The following HELZ variants were observed in gnomAD, a reference collection of about 807,000 sequenced individuals.
The protein encoded by HELZ is ATP-dependent RNA helicase with zinc finger domain.
A neutral mutation model predicts 218.2 loss-of-function variants in HELZ; 23 were observed. The observed-to-expected ratio is 0.11, with a 90% CI of 0.08 to 0.15. The LOEUF is 0.15. HELZ is among the 10% of genes least tolerant of loss of function. The pLI, the probability that HELZ is intolerant of heterozygous loss-of-function variation, is 1.00. For synonymous variants in HELZ, 814 were observed against 829.4 expected, an observed-to-expected ratio of 0.98 and a Z score of 0.32; for missense variants, 1,813 against 2,353.7, an observed-to-expected ratio of 0.77 and a Z score of 4.75.
At chr17:67,096,321 C>T (rs1039489471) in intron 31 of HELZ, among the ~76,000 whole-genome samples, 3 of 152,168 alleles carry the variant, frequency 2.0e-5, no homozygotes, top group African/African-American at 7.2e-5. Flanking sequence ...TAAACAAGCA[C>T]TGGTTTCAAC....
chr17:67,234,485 A>T (rs1166775817), intron 3 of HELZ, among the ~76,000 whole-genome samples: 1 of 151,836 alleles, frequency 6.6e-6, no homozygotes, highest in Non-Finnish European at 1.5e-5. Context: ...TATGAACCCA[A>T]CTAAAGGCCC....
chr17:67,118,262 A>T (rs1160565446), intron 27 of HELZ, among the ~76,000 whole-genome samples: 1 of 152,252 alleles, frequency 6.6e-6, no homozygotes, highest in Non-Finnish European at 1.5e-5. Context: ...AAGGAAGGAC[A>T]GAGTTTTCAA....
chr17:67,081,521 C>T (rs2036188823), intron 32 of HELZ, among the ~76,000 whole-genome samples: 1 of 152,162 alleles, frequency 6.6e-6, no homozygotes, highest in Admixed American at 6.5e-5. Context: ...GCACATTTAG[C>T]ACTTGGTTTT....
intron 27 of HELZ, among the ~76,000 whole-genome samples, chr17:67,115,632 G>A (rs934433698): frequency 2.0e-5 from 3 of 151,916 alleles, no homozygotes; most frequent in Admixed American, 6.6e-5. Context: ...TGGAAAAAAC[G>A]CAAGTGAGAA....
At chr17:67,148,807 T>C in intron 19 of HELZ, 93 bp from the exon 20 acceptor site, 2 of 1,195,438 alleles carry the variant, frequency 1.7e-6, no homozygotes, top group Non-Finnish European at 2.3e-6. Flanking sequence ...CTAAAACTTC[T>C]TATATACAAA....
chr17:67,086,639 T>TAAAA (rs946122377), intron 32 of HELZ, among the ~76,000 whole-genome samples, 190 bp downstream of exon 32: 3 of 86,396 alleles, frequency 3.5e-5, no homozygotes, highest in Non-Finnish European at 5.1e-5. Context: ...TAAATATATA[T>TAAAA]ATATATATAT....
Position 67,187,011 on chromosome 17 carries a change from T to C in HELZ, c.1162+1308A>G, listed in dbSNP as rs557933780. Among the ~76,000 whole-genome samples the C allele has an allele frequency of 3.3e-5, 5 of 152,296 alleles. 1 individual carries two copies. In the South Asian group the frequency reaches 1.0e-3, roughly 32 times the overall value. On this transcript the variant is annotated intron_variant, in intron 12 of 32. Coordinates refer to ENST00000358691, the MANE Select transcript of HELZ (RefSeq NM_014877.4). ...GTCACACCCATTTGCTTATGCATTG[T>C]CTATGGCTGCTTTCTCATTACGACG...
In HELZ at chr17:67,218,800, T is replaced by C. The variant is rs1451462374; in HGVS notation, c.5A>G (p.Glu2Gly). 6.8e-6 allele frequency: 11 copies of C among 1,613,960 alleles called. No homozygotes were observed. The highest frequency in any genetic ancestry group is 9.3e-6 in the Non-Finnish European group (11 of 1,179,954). Residue 2 changes from glutamate to glycine, a missense_variant, in exon 4 of 33, where the codon GAA becomes GGA. Coordinates refer to ENST00000358691, the MANE Select transcript of HELZ (RefSeq NM_014877.4). M[E>G]DRRAEKSCEQ... The stretch of plus-strand genomic sequence containing the variant: ...ACATGACTTTTCAGCTCTTCTGTCT[T>C]CCATGACTCAGGGACAAAAATCCTA...
At chr17:67,097,448 C>T (rs1322292806) in intron 31 of HELZ, among the ~76,000 whole-genome samples, 1 of 152,178 alleles carries the variant, frequency 6.6e-6, no homozygotes, top group Non-Finnish European at 1.5e-5. Flanking sequence ...CTTTGCAACA[C>T]AGTGCATCAA....
At chr17:67,126,086 G>A (rs1021142991) in intron 24 of HELZ, among the ~76,000 whole-genome samples, 1 of 152,184 alleles carries the variant, frequency 6.6e-6, no homozygotes, top group African/African-American at 2.4e-5. Context: ...TCTTTCCAGA[G>A]CTTCCAGGTA....
intron 26 of HELZ, among the ~76,000 whole-genome samples, chr17:67,121,811 T>C (rs1022503620): frequency 1.3e-5 from 2 of 152,230 alleles, no homozygotes; most frequent in African/African-American, 4.8e-5. Context: ...TTTTAAGTAG[T>C]AGTTAAGATT....
chr17:67,197,948 T>C (rs941610686), intron 7 of HELZ, among the ~76,000 whole-genome samples: 2 of 152,250 alleles, frequency 1.3e-5, no homozygotes, highest in Admixed American at 1.3e-4. Flanking sequence ...ATTATTCATA[T>C]TATTAGCATT....
At position 67,073,671 on chromosome 17, in the gene HELZ, T is replaced by C. The variant is rs1455336557; in HGVS notation, c.*4581A>G. The stretch of plus-strand genomic sequence containing the variant: ...TGTTTCCTTAAACTTCACTCCAAAG[T>C]AGACATTCTCAATTGGTTCAAAAAT... On this transcript the variant is annotated 3_prime_UTR_variant, in exon 33 of 33. Transcript: ENST00000358691. 6.6e-6 allele frequency: 1 copy of C among 152,204 alleles called. No individual in the cohort carries two copies. The highest frequency in any genetic ancestry group is 1.5e-5 in the Non-Finnish European group (1 of 68,032). 9.4% of individuals were successfully genotyped at this position (152,204 alleles called of 1,614,324 possible). A position where few individuals can be genotyped will look rare whatever the true frequency, so the allele number is the denominator to read the frequency against.
At chr17:67,179,707 G>A (rs1017641661) in intron 12 of HELZ, 1 of 151,682 alleles carries the variant, frequency 6.6e-6, no homozygotes, top group Admixed American at 6.6e-5. Flanking sequence ...TTTCTATTGA[G>A]TGAAACATAC....
chr17:67,102,852 C>CT (rs1204874248), intron 31 of HELZ, among the ~76,000 whole-genome samples: 1 of 152,132 alleles, frequency 6.6e-6, no homozygotes. Context: ...AAATTTCACT[C>CT]TAAGAACCCA....
Position 67,077,703 on chromosome 17 carries a change from T to C in HELZ, c.*549A>G, listed in dbSNP as rs1308649728. The C allele has an allele frequency of 7.5e-6, 1 of 133,200 alleles. No individual in the cohort carries two copies. Among genetic ancestry groups the C allele is most frequent in the African/African-American group, 2.9e-5 (1 of 34,040 alleles). The allele number at this position is 133,200 out of a possible 1,614,324, so 8.3% of individuals were successfully genotyped here. ...GTCTAAAACTATAAAAGTTTTAGAA[T>C]GCAGCATCGTGTCACCAAAAAAAAA... On this transcript the variant is annotated 3_prime_UTR_variant, in exon 33 of 33. Coordinates refer to ENST00000358691, the MANE Select transcript of HELZ (RefSeq NM_014877.4).
At position 67,123,036 on chromosome 17, in the gene HELZ, A is replaced by G; in HGVS notation, c.3564T>C (p.Thr1188=). ...CAGGTACATAAAGAATACTTGTCCCAGTGTGAGGATCTATTCTTTGAACAG... is the reference window on the plus strand; with the variant it reads ...CAGGTACATAAAGAATACTTGTCCCGGTGTGAGGATCTATTCTTTGAACAG... ...PSPVQRIDPH[T]GTSILYVPAV... Residue 1188 remains threonine (T), a synonymous_variant, in exon 26 of 33, where the codon ACT becomes ACC. Coordinates refer to ENST00000358691, the MANE Select transcript of HELZ (RefSeq NM_014877.4). 6.2e-7 allele frequency: 1 copy of G among 1,613,722 alleles called. No homozygotes were observed. The highest frequency in any genetic ancestry group is 1.7e-5 in the Admixed American group (1 of 60,024).
At chr17:67,113,026 T>A (rs2037326512) in intron 28 of HELZ, among the ~76,000 whole-genome samples, 1 of 152,162 alleles carries the variant, frequency 6.6e-6, no homozygotes. Flanking sequence ...GTAGACTATG[T>A]GGATTAAAGA....
intron 2 of HELZ, among the ~76,000 whole-genome samples, chr17:67,240,686 C>G (rs1298361222): frequency 6.6e-6 from 1 of 152,138 alleles, no homozygotes; most frequent in East Asian, 1.9e-4. Context: ...AACAAAGATG[C>G]CATGCATTCT....
Sources: allele counts gnomAD v4.1 joint callset (sites outside exome capture counted in the v4.1 genomes callset), GRCh38; gene constraint gnomAD v4.1.1; transcripts MANE v1.5; gene names NCBI Gene and HGNC (gene_info 2026-07-23, HGNC 2026-07-21).